The following NRIP1 variants were observed in gnomAD, a reference collection of about 807,000 sequenced individuals.
NRIP1 encodes the protein nuclear receptor interacting protein 1, also known as nuclear receptor-interacting protein 1.
A neutral mutation model predicts 75.0 loss-of-function variants in NRIP1; 28 were observed. The observed-to-expected ratio is 0.37, with a 90% confidence interval of 0.28 to 0.51. The LOEUF is 0.51. Among genes scored for constraint, NRIP1 ranks in the 20% least tolerant of loss-of-function variants. The pLI, the probability that NRIP1 is intolerant of heterozygous loss-of-function variation, is 0.92. For missense variants in NRIP1, 1,435 were observed against 1,343.7 expected (o/e 1.07, Z -1.06); for synonymous variants, 526 against 487.6 (o/e 1.08, Z -1.04).
chr21:15,057,700 G>A (rs1247556913), intron 1 of NRIP1, among the ~76,000 whole-genome samples: 1 of 152,172 alleles, frequency 6.6e-6, no homozygotes, highest in African/African-American at 2.4e-5. Context: ...TATTCTTTAA[G>A]AAAATCAAAT....
In NRIP1 at chr21:14,967,915, C is replaced by T; in HGVS notation, c.278G>A (p.Trp93Ter). The T allele has an allele frequency of 3.1e-6, 5 of 1,614,134 alleles. No homozygotes were observed. Among genetic ancestry groups the T allele is most frequent in the Non-Finnish European group, 4.2e-6 (5 of 1,180,026 alleles). ...CAGCCTCTTCCGCTTTGCTGCATTC[C>T]AGTCCTCAGAAGACTGCAACAGTCT... The part of the protein sequence containing the change: ...KARLLQSSED[W>*]NAAKRKRLSD... Residue 93 changes from tryptophan (W) to a stop codon, truncating the protein, a stop_gained, in exon 4 of 4, where the codon TGG becomes TAG. Coordinates refer to ENST00000318948, the MANE Select transcript of NRIP1 (RefSeq NM_003489.4). LOFTEE classifies it high-confidence loss of function.
chr21:15,046,719 A>T (rs2089086576), intron 1 of NRIP1, among the ~76,000 whole-genome samples: 1 of 152,194 alleles, frequency 6.6e-6, no homozygotes, highest in South Asian at 2.1e-4. Flanking sequence ...TTTACACTGA[A>T]AATCTGCTGT....
At chr21:15,046,520 G>A (rs1453655602) in intron 1 of NRIP1, among the ~76,000 whole-genome samples, 2 of 152,158 alleles carry the variant, frequency 1.3e-5, no homozygotes, top group Non-Finnish European at 2.9e-5. Flanking sequence ...AAGAGATTTA[G>A]TATAATTCTT....
intron 3 of NRIP1, among the ~76,000 whole-genome samples, chr21:14,998,003 C>G (rs950623423): frequency 1.3e-5 from 2 of 152,112 alleles, no homozygotes; most frequent in African/African-American, 4.8e-5. Flanking sequence ...GACTTGTAAG[C>G]TTATAAACTT....
rs529255740 is a variant in NRIP1 at position 14,972,996 on chromosome 21, T to C, written c.-334-4470A>G. ...AACCCCTGCTTCAGAGAATTGCAAT[T>C]AATGTATATTTTGAAACTGGAATTG... On this transcript the variant is annotated intron_variant, in intron 3 of 3. Coordinates refer to ENST00000318948, the MANE Select transcript of NRIP1 (RefSeq NM_003489.4). Among the ~76,000 whole-genome samples, 10 of 152,334 alleles carry C rather than the reference T, an allele frequency of 6.6e-5. No individual in the cohort carries two copies. The East Asian group carries it at 1.9e-3, about 29-fold the overall frequency.
At chr21:15,061,413 G>C (rs546450158) in intron 1 of NRIP1, among the ~76,000 whole-genome samples, 1 of 152,094 alleles carries the variant, frequency 6.6e-6, no homozygotes, top group Non-Finnish European at 1.5e-5. Flanking sequence ...TGCAACTAAG[G>C]CAGTTTTTCA....
chr21:14,967,111 C>T lies in NRIP1; in HGVS notation c.1082G>A (p.Gly361Asp). The change falls in exon 4 of 4, where the codon GGT becomes GAT. Residue 361 changes from glycine to aspartate, a missense_variant. By Grantham distance (94) the Gly-to-Asp change is moderately conservative. Transcript: ENST00000318948. The stretch of plus-strand genomic sequence containing the variant: ...GTTTCTTTCCAGTGAGTTCTTATAA[C>T]CTGCATTTTTAGGGGAAGAAGGAAT... ...GIIPSSPKNAGYKNSLERNNI... is the reference protein window; with the variant it reads ...GIIPSSPKNADYKNSLERNNI... The T allele has an allele frequency of 6.2e-7, 1 of 1,614,002 alleles. No homozygotes were observed. The highest frequency in any genetic ancestry group is 8.5e-7 in the Non-Finnish European group (1 of 1,179,970).
intron 2 of NRIP1, among the ~76,000 whole-genome samples, chr21:15,027,839 A>G (rs1273977789): frequency 6.6e-6 from 1 of 152,184 alleles, no homozygotes; most frequent in East Asian, 1.9e-4. Context: ...TATATTCACC[A>G]TGACAGCCAA....
In NRIP1 at chr21:14,968,308, A is replaced by G; in HGVS notation, c.-116T>C. 1 of 685,888 alleles carries G rather than the reference A, an allele frequency of 1.5e-6. No homozygotes were observed. The allele number at this position is 685,888 out of a possible 1,614,324, so 42.5% of individuals were successfully genotyped here. ...TATCAGTTTATCACCTTCCATCGCA[A>G]TCAGAGAGAGACGTACTGTTACATT... On this transcript the variant is annotated 5_prime_UTR_variant, in exon 4 of 4. Coordinates refer to ENST00000318948, the MANE Select transcript of NRIP1 (RefSeq NM_003489.4).
At chr21:15,043,870 G>A (rs2089012716) in intron 1 of NRIP1, among the ~76,000 whole-genome samples, 1 of 152,188 alleles carries the variant, frequency 6.6e-6, no homozygotes, top group Admixed American at 6.5e-5. Context: ...CCAGGCTGGA[G>A]TGCAGTGGCG....
chr21:14,965,272 G>A lies in NRIP1; in HGVS notation c.2921C>T (p.Pro974Leu), dbSNP rs201634879. ...ATTTAAAGAAGAAATGCTAAATTCA[G>A]GTTTGCTGTTGGTCACATTATTTTT... is the stretch of plus-strand genomic sequence containing the variant. Reference protein sequence around the residue: ...GHKNNVTNSKPEFSISSLNGL... With the variant: ...GHKNNVTNSKLEFSISSLNGL... Residue 974 changes from proline (P) to leucine (L), a missense_variant, in exon 4 of 4, where the codon CCT (proline) becomes CTT (leucine). Physicochemically the swap from Pro to Leu is moderately conservative, Grantham distance 98. Transcript: ENST00000318948. The A allele has an allele frequency of 7.4e-5, 120 of 1,613,866 alleles. No individual in the cohort carries two copies. The highest frequency in any genetic ancestry group is 9.2e-5 in the Non-Finnish European group (109 of 1,179,938).
chr21:15,037,441 T>C (rs933339736), intron 2 of NRIP1, among the ~76,000 whole-genome samples: 1 of 152,182 alleles, frequency 6.6e-6, no homozygotes, highest in African/African-American at 2.4e-5. Flanking sequence ...TCAAGTTGAG[T>C]GCTTTGTAAG....
rs2086667605 is a variant in NRIP1, at chr21:14,964,458, T to C, written c.*258A>G. 6.2e-6 allele frequency: 2 copies of C among 321,108 alleles called. No individual in the cohort carries two copies. The highest frequency in any genetic ancestry group is 5.0e-5 in the East Asian group (1 of 19,852). The allele number at this position is 321,108 out of a possible 1,614,324, so 19.9% of individuals were successfully genotyped here. Reference sequence around the variant, plus strand: ...AATATTTATAAAAGAATTTCATTCATAGGCTACTCACAGTTGTTATCTGAT... The same window carrying C: ...AATATTTATAAAAGAATTTCATTCACAGGCTACTCACAGTTGTTATCTGAT... On this transcript the variant is annotated 3_prime_UTR_variant, in exon 4 of 4. Transcript: ENST00000318948.
At chr21:14,979,695 T>C (rs986015283) in intron 3 of NRIP1, among the ~76,000 whole-genome samples, 34 of 152,014 alleles carry the variant, frequency 2.2e-4, no homozygotes, top group Admixed American at 2.0e-3. Context: ...TTGTTTTTTT[T>C]AATAGCGACG....
At chr21:14,981,323 CCCATCTATCCATACAA>C (rs1376241772) in intron 3 of NRIP1, among the ~76,000 whole-genome samples, 1 of 152,188 alleles carries the variant, frequency 6.6e-6, no homozygotes, top group Non-Finnish European at 1.5e-5. Flanking sequence ...CTCTTATTTG[CCCATCTATCCATACAA>C]CCAAGTGTTT....
intron 3 of NRIP1, among the ~76,000 whole-genome samples, chr21:15,001,978 C>T: frequency 6.6e-6 from 1 of 152,098 alleles, no homozygotes. Context: ...CCCGGTGACG[C>T]TTTCAGTAAA....
chr21:14,971,666 C>G (rs2086905886), intron 3 of NRIP1: 1 of 152,138 alleles, frequency 6.6e-6, no homozygotes, highest in African/African-American at 2.4e-5. Flanking sequence ...ACTCTTATAT[C>G]ACCAAGCACA....
At chr21:15,051,275 T>TGTGTGTGTGTGC (rs1555816320) in intron 1 of NRIP1, 2 of 179,262 alleles carry the variant, frequency 1.1e-5, no homozygotes, top group Non-Finnish European at 2.4e-5. Context: ...CAGAACTCTG[T>TGTGTGTGTGTGC]GTGTGTGTGC....
intron 3 of NRIP1, among the ~76,000 whole-genome samples, chr21:14,992,018 G>A: frequency 6.6e-6 from 1 of 151,796 alleles, no homozygotes; most frequent in East Asian, 1.9e-4. Context: ...ATTGTACACA[G>A]CCCAAAGGAA....
Sources: gnomAD v4.1 joint callset for allele counts (sites outside exome capture counted in the v4.1 genomes callset) on GRCh38, gnomAD v4.1.1 for gene constraint, MANE v1.5 for transcripts, NCBI Gene and HGNC (gene_info 2026-07-23, HGNC 2026-07-21) for gene names.